CUX1: variants seen among roughly 807,000 people sequenced by gnomAD.
The protein encoded by CUX1 is cut like homeobox 1.
In CUX1, 31 loss-of-function variants were observed where a neutral mutation model predicts 158.8. The ratio of observed to expected loss-of-function variants is 0.20; its 90% CI spans 0.15 to 0.26. The LOEUF is 0.26. Among genes scored for constraint, CUX1 ranks in the 10% least tolerant of loss-of-function variants. The pLI is 1.00. For missense variants in CUX1, 1,589 were observed against 2,014.6 expected, an observed-to-expected ratio of 0.79 and a Z score of 4.04; for synonymous variants, 879 against 862.1, an observed-to-expected ratio of 1.02 and a Z score of -0.34.
intron 8 of CUX1, among the ~76,000 whole-genome samples, chr7:102,150,548 TGTTTTAACAGCTC>T (rs1554503285): frequency 6.6e-6 from 1 of 152,256 alleles, no homozygotes; most frequent in African/African-American, 2.4e-5. Flanking sequence ...AGATATACTT[TGTTTTAACAGCTC>T]GTTTTAACAG....
At chr7:102,170,206 AG>A (rs1159338658) in intron 9 of CUX1, among the ~76,000 whole-genome samples, 7 of 152,228 alleles carry the variant, frequency 4.6e-5, no homozygotes, top group African/African-American at 1.7e-4. Context: ...TAGTATCAGC[AG>A]GGGATTCCTT....
At chr7:101,872,677 GTGTA>G (rs1274815099) in intron 1 of CUX1, among the ~76,000 whole-genome samples, 1 of 151,996 alleles carries the variant, frequency 6.6e-6, no homozygotes, top group African/African-American at 2.4e-5. Context: ...GTTTTTGTGT[GTGTA>G]TGTGTCAATA....
At chr7:102,119,207 T>C (rs1459132579) in intron 8 of CUX1, among the ~76,000 whole-genome samples, 1 of 152,034 alleles carries the variant, frequency 6.6e-6, no homozygotes, top group Non-Finnish European at 1.5e-5. Flanking sequence ...TTGGAGGAAA[T>C]TGACTTTCAC....
chr7:102,183,207 T>C (rs1379601873), intron 11 of CUX1, among the ~76,000 whole-genome samples: 1 of 152,102 alleles, frequency 6.6e-6, no homozygotes, highest in African/African-American at 2.4e-5. Flanking sequence ...AGAGACAGGG[T>C]TTCACCATGT....
chr7:102,029,221 G>C (rs1820423988), intron 3 of CUX1, among the ~76,000 whole-genome samples: 1 of 152,060 alleles, frequency 6.6e-6, no homozygotes, highest in Non-Finnish European at 1.5e-5. Context: ...TCGATCTCCT[G>C]ACCTCAGGTG....
At chr7:101,988,131 G>A (rs1314089173) in intron 2 of CUX1, among the ~76,000 whole-genome samples, 1 of 152,028 alleles carries the variant, frequency 6.6e-6, no homozygotes, top group Non-Finnish European at 1.5e-5. Context: ...AGAATCACTT[G>A]AACCCGGGAG....
chr7:101,884,589 T>C (rs1800035857), intron 1 of CUX1, among the ~76,000 whole-genome samples: 1 of 152,172 alleles, frequency 6.6e-6, no homozygotes, highest in South Asian at 2.1e-4. Context: ...AGCAGGCTTC[T>C]CTAAGAAAGT....
intron 13 of CUX1, chr7:102,194,196 A>C: frequency 2.7e-6 from 1 of 376,526 alleles, no homozygotes; most frequent in Admixed American, 4.0e-5. Context: ...ATCTTTAACA[A>C]AAAGAGGCAA....
intron 1 of CUX1, among the ~76,000 whole-genome samples, chr7:101,910,824 C>G (rs1438443674): frequency 1.3e-5 from 2 of 151,736 alleles, no homozygotes; most frequent in South Asian, 2.1e-4. Flanking sequence ...AAAATTTTCC[C>G]ACTATTTCTG....
intron 8 of CUX1, among the ~76,000 whole-genome samples, chr7:102,123,410 C>T (rs533054645): frequency 4.6e-5 from 7 of 151,734 alleles, no homozygotes; most frequent in Non-Finnish European, 8.8e-5. Context: ...GAGATTGAGA[C>T]CATCCTGGCT....
chr7:101,858,661 C>CTTT lies in CUX1; in HGVS notation c.30+41012_30+41014dup, dbSNP rs760652607. On this transcript the variant is annotated intron_variant, in intron 1 of 23. Transcript: ENST00000292535. ...ACTTTGGCCCTTAGAATGCGAATGC[C>CTTT]TTTTTTTTTTTTTTTTTTTTTTGAG... Among the ~76,000 whole-genome samples, 288 of 103,272 alleles carry CTTT rather than the reference C, an allele frequency of 2.8e-3. 4 individuals carry two copies. The highest frequency in any genetic ancestry group is 4.8e-3 in the African/African-American group (119 of 24,822). The allele number at this position is 103,272 out of a possible 152,430, so 67.8% of individuals were successfully genotyped here.
chr7:102,153,932 CCAA>C (rs1835963913), intron 8 of CUX1: 1 of 152,212 alleles, frequency 6.6e-6, no homozygotes, highest in African/African-American at 2.4e-5. Flanking sequence ...TGAAGCGAAA[CCAA>C]CAGGTAATTT....
At chr7:102,276,794 G>A (rs1791635395) in intron 17 of CUX1, among the ~76,000 whole-genome samples, 1 of 152,180 alleles carries the variant, frequency 6.6e-6, no homozygotes, top group Non-Finnish European at 1.5e-5. Context: ...CCAGGCAGTA[G>A]GGGAGGAGGG....
At chr7:101,932,415 C>G in intron 2 of CUX1, 2 of 354,452 alleles carry the variant, frequency 5.6e-6, no homozygotes, top group Non-Finnish European at 1.1e-5. Flanking sequence ...GAATTCACAG[C>G]ACCAGGAATA....
chr7:102,282,044 C>T (rs1038404303), intron 21 of CUX1: 3 of 730,560 alleles, frequency 4.1e-6, no homozygotes, highest in Non-Finnish European at 2.4e-6. Context: ...CTCTAGCTTG[C>T]GGCCATGCCT....
chr7:102,023,246 A>G (rs2129324198), intron 2 of CUX1, among the ~76,000 whole-genome samples: 1 of 152,214 alleles, frequency 6.6e-6, no homozygotes, highest in Non-Finnish European at 1.5e-5. Flanking sequence ...AAACGTGTTC[A>G]CTGCCTCCTT....
chr7:101,991,438 A>AT (rs1162292038), intron 2 of CUX1, among the ~76,000 whole-genome samples: 1 of 152,080 alleles, frequency 6.6e-6, no homozygotes, highest in Non-Finnish European at 1.5e-5. Flanking sequence ...TTGGATTTTT[A>AT]TTTCTGTGAT....
In CUX1 at chr7:101,912,195, G is replaced by A. The variant is rs547642429; in HGVS notation, c.31-3920G>A. ...TTTTCTGTGACCAGCAGTGGCCACC[G>A]CCACCACCAACCCCTCTTCCCCCTC... On this transcript the variant is annotated intron_variant, in intron 1 of 23. Transcript: ENST00000292535. 7.3e-4 allele frequency among the ~76,000 whole-genome samples: 111 copies of A among 151,696 alleles called. 1 individual carries two copies. The highest frequency in any genetic ancestry group is 6.8e-3 in the Middle Eastern group (2 of 294).
intron 12 of CUX1, among the ~76,000 whole-genome samples, chr7:102,192,969 G>C (rs543130891): frequency 6.6e-6 from 1 of 152,372 alleles, no homozygotes; most frequent in East Asian, 1.9e-4. Flanking sequence ...GTAGTGATCA[G>C]GGTGCGGCCC....
Sources: allele counts gnomAD v4.1 joint callset (sites outside exome capture counted in the v4.1 genomes callset), GRCh38; gene constraint gnomAD v4.1.1; transcripts MANE v1.5; gene names NCBI Gene and HGNC (gene_info 2026-07-23, HGNC 2026-07-21).